The following EYA2 variants were observed in gnomAD, a reference collection of about 807,000 sequenced individuals.
EYA2 encodes EYA transcriptional coactivator and phosphatase 2, also known as protein phosphatase EYA2.
Under a neutral mutation model 69.2 loss-of-function variants are expected in EYA2, and 31 were observed. That is an observed-to-expected ratio of 0.45 (90% CI 0.34 to 0.60). EYA2 has a LOEUF of 0.60. Ranked by LOEUF, EYA2 falls within the 20% of genes least tolerant of loss-of-function variation. EYA2 has a pLI of 0.02. For synonymous variants in EYA2, 257 were observed against 279.4 expected (o/e 0.92, Z 0.80); for missense variants, 622 against 701.2 (o/e 0.89, Z 1.28).
intron 13 of EYA2, 30 bp downstream of exon 13, chr20:47,179,942 C>T: frequency 6.5e-7 from 1 of 1,549,018 alleles, no homozygotes; most frequent in Non-Finnish European, 8.9e-7. Context: ...TTCCTCTGTG[C>T]CACTGAACTT....
At chr20:47,149,775 C>G (rs1351990277) in intron 10 of EYA2, among the ~76,000 whole-genome samples, 1 of 151,432 alleles carries the variant, frequency 6.6e-6, no homozygotes, top group African/African-American at 2.4e-5. Flanking sequence ...GCAGCAGAAA[C>G]CAGGAGGCGG....
chr20:46,920,861 C>G (rs1341783613), intron 1 of EYA2, among the ~76,000 whole-genome samples: 1 of 152,242 alleles, frequency 6.6e-6, no homozygotes, highest in Non-Finnish European at 1.5e-5. Flanking sequence ...ACTGGTGCCA[C>G]CCAGGATGGC....
At chr20:47,030,104 G>A (rs936572294) in intron 5 of EYA2, among the ~76,000 whole-genome samples, 1 of 152,206 alleles carries the variant, frequency 6.6e-6, no homozygotes, top group African/African-American at 2.4e-5. Flanking sequence ...AGCAGGTGGT[G>A]GGTTGGATTT....
intron 1 of EYA2, among the ~76,000 whole-genome samples, chr20:46,981,691 G>A (rs759120698): frequency 1.3e-5 from 2 of 152,050 alleles, no homozygotes. Context: ...TATCATTATT[G>A]TATGTCCCTG....
chr20:47,007,811 G>A (rs1159476547), intron 4 of EYA2, among the ~76,000 whole-genome samples: 3 of 151,806 alleles, frequency 2.0e-5, no homozygotes, highest in Admixed American at 2.0e-4. Context: ...TAGAGACGGG[G>A]GGTGGGGGGT....
intron 1 of EYA2, among the ~76,000 whole-genome samples, chr20:46,903,561 A>C (rs1310385377): frequency 6.6e-6 from 1 of 152,202 alleles, no homozygotes; most frequent in Admixed American, 6.5e-5. Flanking sequence ...CTCAGGTTAC[A>C]CTTCCCCTCA....
At chr20:47,076,578 C>T (rs751787837) in intron 7 of EYA2, among the ~76,000 whole-genome samples, 2 of 152,112 alleles carry the variant, frequency 1.3e-5, no homozygotes, top group Admixed American at 6.5e-5. Context: ...TTTCTGATGG[C>T]ACAATAGTTT....
chr20:47,077,207 C>T (rs2031548982), intron 7 of EYA2, among the ~76,000 whole-genome samples: 1 of 152,228 alleles, frequency 6.6e-6, no homozygotes. Flanking sequence ...GCCACCTACA[C>T]TATGAGCAAC....
chr20:46,906,289 A>G (rs1984353316), intron 1 of EYA2, among the ~76,000 whole-genome samples: 4 of 152,254 alleles, frequency 2.6e-5, no homozygotes, highest in South Asian at 4.1e-4. Flanking sequence ...CCTGTGATCT[A>G]TTCATTTAAA....
chr20:47,000,407 C>T (rs1298362146), intron 2 of EYA2, among the ~76,000 whole-genome samples: 2 of 152,196 alleles, frequency 1.3e-5, no homozygotes, highest in Non-Finnish European at 2.9e-5. Flanking sequence ...TCTCCTGAGC[C>T]TCCAGCGCAG....
At chr20:46,968,533 G>A (rs987965412) in intron 1 of EYA2, among the ~76,000 whole-genome samples, 3 of 152,098 alleles carry the variant, frequency 2.0e-5, no homozygotes, top group Non-Finnish European at 4.4e-5. Flanking sequence ...ATGTTGGTTT[G>A]GAAAGCTCAT....
At chr20:46,966,624 C>T (rs1272923365) in intron 1 of EYA2, among the ~76,000 whole-genome samples, 2 of 152,074 alleles carry the variant, frequency 1.3e-5, no homozygotes, top group Non-Finnish European at 2.9e-5. Context: ...CTGGCTAACA[C>T]GGTGAAACCC....
intron 9 of EYA2, among the ~76,000 whole-genome samples, chr20:47,112,283 A>G (rs941445722): frequency 6.6e-6 from 1 of 152,202 alleles, no homozygotes; most frequent in Non-Finnish European, 1.5e-5. Flanking sequence ...TCAAAAAGCC[A>G]TGTAATTATA....
intron 3 of EYA2, among the ~76,000 whole-genome samples, chr20:47,004,500 T>A (rs998730331): frequency 1.1e-4 from 16 of 145,722 alleles, no homozygotes; most frequent in Non-Finnish European, 2.1e-4. Flanking sequence ...TTACATAAAG[T>A]CCAGTGTGGA....
intron 1 of EYA2, among the ~76,000 whole-genome samples, chr20:46,906,683 A>C (rs575311359): frequency 1.3e-5 from 2 of 152,212 alleles, no homozygotes; most frequent in African/African-American, 4.8e-5. Flanking sequence ...TGAGAAAAGT[A>C]AGACACAGAG....
At chr20:47,096,634 T>C (rs1264280791) in intron 8 of EYA2, among the ~76,000 whole-genome samples, 3 of 152,226 alleles carry the variant, frequency 2.0e-5, no homozygotes, top group Non-Finnish European at 4.4e-5. Flanking sequence ...AAAGATATTG[T>C]CTCAAGTTGA....
chr20:47,084,160 C>T lies in EYA2; in HGVS notation c.662-5079C>T, dbSNP rs141804211. Reference sequence around the variant, plus strand: ...ACTCGGGAGGCTGAGTCAGGAGAATCGCTTGAACCCAGGAGGCGGAGGTTG... The same window carrying T: ...ACTCGGGAGGCTGAGTCAGGAGAATTGCTTGAACCCAGGAGGCGGAGGTTG... On this transcript the variant is annotated intron_variant, in intron 7 of 15. Coordinates refer to ENST00000327619, the MANE Select transcript of EYA2 (RefSeq NM_005244.5). Among the ~76,000 whole-genome samples the T allele has an allele frequency of 4.5e-3, 687 of 152,256 alleles. 7 individuals are homozygous for T. The highest frequency in any genetic ancestry group is 0.015 in the African/African-American group (633 of 41,556).
intron 9 of EYA2, among the ~76,000 whole-genome samples, chr20:47,125,627 A>AC (rs1280026029): frequency 1.3e-5 from 2 of 152,224 alleles, no homozygotes; most frequent in African/African-American, 4.8e-5. Flanking sequence ...TTAAAAGCTA[A>AC]CCACAAGGAG....
intron 1 of EYA2, among the ~76,000 whole-genome samples, chr20:46,957,578 C>CACACACACACAA (rs576647103): frequency 2.7e-4 from 18 of 66,650 alleles, no homozygotes; most frequent in African/African-American, 5.3e-4. Context: ...CACACACACA[C>CACACACACACAA]GAAGACAATG....
Sources: gnomAD v4.1 joint callset for allele counts (sites outside exome capture counted in the v4.1 genomes callset) on GRCh38, gnomAD v4.1.1 for gene constraint, MANE v1.5 for transcripts, NCBI Gene and HGNC (gene_info 2026-07-23, HGNC 2026-07-21) for gene names.